The following MON2 variants were observed in gnomAD, a reference collection of about 807,000 sequenced individuals.
The protein encoded by MON2 is MON2 regulator of endosome-to-Golgi trafficking, also known as protein MON2 homolog.
Under a neutral mutation model 208.6 loss-of-function variants are expected in MON2, and 84 were observed. The ratio of observed to expected loss-of-function variants is 0.40; its 90% CI spans 0.34 to 0.48. MON2 has a LOEUF of 0.48. Among genes scored for constraint, MON2 ranks in the 20% least tolerant of loss-of-function variants. The probability of loss-of-function intolerance (pLI) is 0.59; values close to 1 mark genes in which losing one functional copy is unlikely to be tolerated. For synonymous variants in MON2, 660 were observed against 694.0 expected, an observed-to-expected ratio of 0.95 and a Z score of 0.77; for missense variants, 1,611 against 2,015.4, an observed-to-expected ratio of 0.80 and a Z score of 3.84.
intron 23 of MON2, among the ~76,000 whole-genome samples, chr12:62,551,602 G>A (rs1000660798): frequency 2.6e-5 from 4 of 152,090 alleles, no homozygotes; most frequent in Non-Finnish European, 4.4e-5. Flanking sequence ...GGAAAAAAAC[G>A]GTACCAACAG....
chr12:62,557,937 T>A (rs1362799185), intron 25 of MON2, among the ~76,000 whole-genome samples: 1 of 38,362 alleles, frequency 2.6e-5, no homozygotes, highest in Non-Finnish European at 4.6e-5. Flanking sequence ...TTTATATATA[T>A]ATATATATAT....
intron 3 of MON2, 62 bp downstream of exon 3, chr12:62,494,104 A>T: frequency 7.2e-7 from 1 of 1,385,350 alleles, no homozygotes; most frequent in Non-Finnish European, 1.0e-6. Flanking sequence ...TCATGAAAGG[A>T]GAATGAAACA....
At chr12:62,579,350 A>C (rs2074915140) in intron 31 of MON2, among the ~76,000 whole-genome samples, 1 of 151,872 alleles carries the variant, frequency 6.6e-6, no homozygotes, top group Non-Finnish European at 1.5e-5. Flanking sequence ...TTTTTTGTTG[A>C]TGGTAGGGTT....
Position 62,552,897 on chromosome 12 carries a change from A to G in MON2, c.2933A>G (p.Tyr978Cys). ...SIGLLWNISD[Y>C]FFQRGETIEK... Reference sequence around the variant, plus strand: ...GCTTTTTAGTGGAATATTTCAGATTATTTTTTCCAAAGAGGGGAAACTATT... The same window carrying G: ...GCTTTTTAGTGGAATATTTCAGATTGTTTTTTCCAAAGAGGGGAAACTATT... The change falls in exon 24 of 35, where the codon TAT becomes TGT. Residue 978 changes from tyrosine (Y) to cysteine (C), a missense_variant. Coordinates refer to ENST00000393630, the MANE Select transcript of MON2 (RefSeq NM_015026.3). The G allele has an allele frequency of 6.2e-7, 1 of 1,612,406 alleles. No individual in the cohort carries two copies. The highest frequency in any genetic ancestry group is 8.5e-7 in the Non-Finnish European group (1 of 1,178,740).
At chr12:62,557,159 C>A (rs1592388413) in intron 25 of MON2, among the ~76,000 whole-genome samples, 1 of 151,980 alleles carries the variant, frequency 6.6e-6, no homozygotes, top group Admixed American at 6.5e-5. Flanking sequence ...CATGATTTGA[C>A]ATGATCAAAT....
At chr12:62,529,220 A>T (rs75561492) in intron 11 of MON2, among the ~76,000 whole-genome samples, 1 of 152,220 alleles carries the variant, frequency 6.6e-6, no homozygotes, top group Non-Finnish European at 1.5e-5. Context: ...TTAAAAGCTC[A>T]AGAGTTGACA....
intron 33 of MON2, among the ~76,000 whole-genome samples, chr12:62,586,063 A>C (rs2075211755): frequency 6.6e-6 from 1 of 152,332 alleles, no homozygotes; most frequent in South Asian, 2.1e-4. Context: ...CTGATCAGCC[A>C]AGGCTAATCA....
intron 32 of MON2, among the ~76,000 whole-genome samples, chr12:62,580,628 T>G (rs1238107236): frequency 6.6e-6 from 1 of 152,184 alleles, no homozygotes; most frequent in Non-Finnish European, 1.5e-5. Flanking sequence ...CATGTTTCTA[T>G]TCTGTGAAAT....
intron 19 of MON2, among the ~76,000 whole-genome samples, chr12:62,540,479 G>A (rs1181683816): frequency 1.3e-5 from 2 of 152,060 alleles, no homozygotes; most frequent in Non-Finnish European, 2.9e-5. Context: ...GGTAGGAAAG[G>A]GCAGGTTAAT....
At chr12:62,561,162 T>A (rs2074184145) in intron 26 of MON2, 49 bp downstream of exon 26, 1 of 1,442,236 alleles carries the variant, frequency 6.9e-7, no homozygotes, top group Non-Finnish European at 9.3e-7. Context: ...TTCTCTGAAA[T>A]TTTTTTTATT....
In MON2 at chr12:62,570,568, C is replaced by G. The variant is rs143555904; in HGVS notation, c.4324-824C>G. ...AACATCATAGTGTACTTACACAAAC[C>G]TAGATGATATAGCCTACTTCACACC... On this transcript the variant is annotated intron_variant, in intron 29 of 34. Transcript: ENST00000393630. Among the ~76,000 whole-genome samples the G allele has an allele frequency of 4.6e-5, 7 of 152,152 alleles. No individual in the cohort carries two copies. In the East Asian group the frequency reaches 1.4e-3, roughly 29 times the overall value.
At chr12:62,552,148 C>G (rs2073774023) in intron 23 of MON2, among the ~76,000 whole-genome samples, 1 of 151,486 alleles carries the variant, frequency 6.6e-6, no homozygotes, top group African/African-American at 2.4e-5. Context: ...AATACTACAC[C>G]ATTTTATATA....
chr12:62,481,100 G>A (rs999375130), intron 1 of MON2, among the ~76,000 whole-genome samples: 2 of 152,088 alleles, frequency 1.3e-5, no homozygotes, highest in Admixed American at 6.6e-5. Flanking sequence ...AAGGTATATC[G>A]AGAATCTCAC....
intron 1 of MON2, among the ~76,000 whole-genome samples, chr12:62,468,444 A>G (rs2068620220): frequency 1.3e-5 from 2 of 152,198 alleles, no homozygotes; most frequent in African/African-American, 2.4e-5. Flanking sequence ...TTATTTAAAT[A>G]TATCTTTATT....
chr12:62,569,312 G>C (rs1390808599), intron 29 of MON2, among the ~76,000 whole-genome samples: 1 of 152,138 alleles, frequency 6.6e-6, no homozygotes, highest in East Asian at 1.9e-4. Flanking sequence ...GGTTGCAAAT[G>C]ACATACACTC....
At chr12:62,489,155 T>C (rs988403174) in intron 2 of MON2, among the ~76,000 whole-genome samples, 5 of 152,154 alleles carry the variant, frequency 3.3e-5, no homozygotes, top group African/African-American at 1.2e-4. Flanking sequence ...TTAAAGGGTA[T>C]GAATATGTTT....
intron 1 of MON2, among the ~76,000 whole-genome samples, chr12:62,479,070 A>G (rs1204164839): frequency 6.6e-6 from 1 of 152,192 alleles, no homozygotes; most frequent in Non-Finnish European, 1.5e-5. Flanking sequence ...GATAACATCT[A>G]TTTTCAACAT....
chr12:62,493,812 G>A (rs1413581084), intron 2 of MON2, 103 bp from the exon 3 acceptor site: 3 of 868,048 alleles, frequency 3.5e-6, no homozygotes, highest in East Asian at 2.9e-5. Context: ...TACGTAAAGT[G>A]GATTTTTTTT....
chr12:62,521,253 C>T (rs2136171559), intron 8 of MON2, among the ~76,000 whole-genome samples: 1 of 152,202 alleles, frequency 6.6e-6, no homozygotes, highest in South Asian at 2.1e-4. Context: ...AAGTGATCCA[C>T]CCACCTCAGC....
Sources: allele counts gnomAD v4.1 joint callset (sites outside exome capture counted in the v4.1 genomes callset), GRCh38; gene constraint gnomAD v4.1.1; transcripts MANE v1.5; gene names NCBI Gene and HGNC (gene_info 2026-07-23, HGNC 2026-07-21).